Variants in LAPTM4B observed in about 807,000 individuals in gnomAD.
LAPTM4B encodes lysosomal protein transmembrane 4 beta.
LAPTM4B carries 26 observed loss-of-function variants against 28.5 expected under a neutral mutation model. The observed-to-expected ratio is 0.91, with a 90% CI of 0.67 to 1.27. LAPTM4B has a LOEUF of 1.27. LAPTM4B is among the 50% of genes most tolerant of loss of function. The pLI, the probability that LAPTM4B is intolerant of heterozygous loss-of-function variation, is 0.00. For synonymous variants in LAPTM4B, 109 were observed against 106.4 expected, an observed-to-expected ratio of 1.02 and a Z score of -0.15; for missense variants, 288 against 285.8, an observed-to-expected ratio of 1.01 and a Z score of -0.06.
At chr8:97,825,301 C>A (rs1817075525) in intron 6 of LAPTM4B, 148 bp downstream of exon 6, 2 of 498,704 alleles carry the variant, frequency 4.0e-6, no homozygotes. Context: ...TCTTAGTTAT[C>A]AAAATACTCA....
chr8:97,811,031 T>C (rs1416393375), intron 2 of LAPTM4B, among the ~76,000 whole-genome samples: 1 of 152,202 alleles, frequency 6.6e-6, no homozygotes, highest in Non-Finnish European at 1.5e-5. Context: ...TTGCAAGTTA[T>C]AGGGAATTGC....
chr8:97,810,082 A>C (rs1005370628), intron 2 of LAPTM4B, among the ~76,000 whole-genome samples: 2 of 152,094 alleles, frequency 1.3e-5, no homozygotes, highest in Non-Finnish European at 2.9e-5. Context: ...GGCATGAGCC[A>C]CCATGCCTGG....
At chr8:97,786,526 A>G (rs537320757) in intron 1 of LAPTM4B, among the ~76,000 whole-genome samples, 1 of 152,016 alleles carries the variant, frequency 6.6e-6, no homozygotes, top group Admixed American at 6.6e-5. Context: ...ACATAGTGAA[A>G]CTCCATCTCT....
chr8:97,818,709 G>C (rs1375900675), intron 4 of LAPTM4B, among the ~76,000 whole-genome samples: 3 of 152,094 alleles, frequency 2.0e-5, no homozygotes, highest in Non-Finnish European at 4.4e-5. Context: ...GAATGGTTCA[G>C]AACTTTTGAG....
chr8:97,815,996 T>A, intron 3 of LAPTM4B, 62 bp from the exon 4 acceptor site: 1 of 1,350,480 alleles, frequency 7.4e-7, no homozygotes, highest in South Asian at 1.5e-5. Flanking sequence ...TACTTTGAAT[T>A]TAAGAAAAAT....
chr8:97,817,643 T>C (rs1464292109), intron 4 of LAPTM4B, among the ~76,000 whole-genome samples: 1 of 151,796 alleles, frequency 6.6e-6, no homozygotes, highest in Admixed American at 6.6e-5. Flanking sequence ...AGAGATGGGG[T>C]TTCACCATCT....
chr8:97,824,772 A>G (rs62524127), intron 5 of LAPTM4B, among the ~76,000 whole-genome samples: 70,688 of 151,328 alleles, frequency 0.47, 16,822 homozygotes, highest in East Asian at 0.58. Flanking sequence ...TTATTCTTAG[A>G]AATTTCTCAT....
intron 5 of LAPTM4B, among the ~76,000 whole-genome samples, chr8:97,824,817 C>G (rs531565166): frequency 2.6e-5 from 4 of 152,182 alleles, no homozygotes; most frequent in Non-Finnish European, 5.9e-5. Flanking sequence ...CAACTTCCCC[C>G]AGTACCACCC....
intron 5 of LAPTM4B, among the ~76,000 whole-genome samples, chr8:97,819,757 T>C (rs1212794939): frequency 8.3e-6 from 1 of 120,436 alleles, no homozygotes; most frequent in Non-Finnish European, 1.6e-5. Context: ...TTTTTTGAGA[T>C]GGAGTCTCGC....
At chr8:97,829,340 G>A (rs779746061) in intron 6 of LAPTM4B, among the ~76,000 whole-genome samples, 3 of 152,142 alleles carry the variant, frequency 2.0e-5, no homozygotes, top group Non-Finnish European at 2.9e-5. Flanking sequence ...GCAAGTGAGC[G>A]GTAAGCGTCT....
chr8:97,815,543 T>C (rs1816898101), intron 3 of LAPTM4B, 142 bp downstream of exon 3: 3 of 679,104 alleles, frequency 4.4e-6, no homozygotes, highest in Non-Finnish European at 7.5e-6. Flanking sequence ...TATGTGGTAC[T>C]AGGAAAACCA....
chr8:97,851,702 T>C lies in LAPTM4B; in HGVS notation c.*228T>C, dbSNP rs1136595. 0.58 allele frequency: 324,279 copies of C among 560,460 alleles called. 94,961 individuals are homozygous for C. The highest frequency in any genetic ancestry group is 0.69 in the African/African-American group (36,418 of 53,002). The allele number at this position is 560,460 out of a possible 1,614,324, so 34.7% of individuals were successfully genotyped here. A position where few individuals can be genotyped will look rare whatever the true frequency, so the allele number is the denominator to read the frequency against. ...TCTTCCTGTACGATTGGGGATATAA[T>C]GGGCTTCACTAACCTTCCCTAGGCA... On this transcript the variant is annotated 3_prime_UTR_variant, in exon 7 of 7. Transcript: ENST00000521545.
Position 97,824,327 on chromosome 8 carries a change from A to G in LAPTM4B, c.508-731A>G, listed in dbSNP as rs1704315836. Among the ~76,000 whole-genome samples the G allele has an allele frequency of 2.0e-5, 3 of 152,156 alleles. No homozygotes were observed. In the South Asian group the frequency reaches 6.2e-4, roughly 31 times the overall value. ...AGCAACGTATTTCCTGGATTTTAGC[A>G]ATCTAGTTTCTCTATGTGTTTAAAC... is the stretch of plus-strand genomic sequence containing the variant. On this transcript the variant is annotated intron_variant, in intron 5 of 6. Coordinates refer to ENST00000521545, the MANE Select transcript of LAPTM4B (RefSeq NM_018407.6).
chr8:97,820,300 CTTTCTTT>C (rs1816984445), intron 5 of LAPTM4B, among the ~76,000 whole-genome samples: 1 of 129,750 alleles, frequency 7.7e-6, no homozygotes, highest in African/African-American at 2.8e-5. Flanking sequence ...ATTTTTCTTT[CTTTCTTT>C]TTTTTTTTTT....
chr8:97,789,915 C>T lies in LAPTM4B; in HGVS notation c.99+13807C>T, dbSNP rs115207342. On this transcript the variant is annotated intron_variant, in intron 1 of 6. Transcript: ENST00000521545. ...TAACCATCCTTCTACTCTCTAGCTA[C>T]GTGAGTTCAATGGTTTAAAGTTTTA... Among the ~76,000 whole-genome samples the T allele has an allele frequency of 3.9e-3, 593 of 152,254 alleles. 4 individuals carry two copies. Among genetic ancestry groups the T allele is most frequent in the African/African-American group, 0.013 (548 of 41,554 alleles).
At chr8:97,845,441 C>A (rs1267319057) in intron 6 of LAPTM4B, among the ~76,000 whole-genome samples, 1 of 151,302 alleles carries the variant, frequency 6.6e-6, no homozygotes, top group African/African-American at 2.4e-5. Flanking sequence ...ATGCTATTTT[C>A]CAAAGGTTTG....
At chr8:97,807,513 G>A (rs980463929) in intron 2 of LAPTM4B, among the ~76,000 whole-genome samples, 2 of 152,194 alleles carry the variant, frequency 1.3e-5, no homozygotes, top group African/African-American at 4.8e-5. Flanking sequence ...ACCTTTTGCT[G>A]TTTCAGCTAC....
At chr8:97,838,870 C>T (rs2449520) in intron 6 of LAPTM4B, among the ~76,000 whole-genome samples, 28,579 of 151,970 alleles carry the variant, frequency 0.19, 2,843 homozygotes, top group African/African-American at 0.24. Context: ...AGAAAAGGGG[C>T]GGAAGAAAAA....
intron 6 of LAPTM4B, among the ~76,000 whole-genome samples, chr8:97,844,019 A>G (rs1373509144): frequency 6.7e-6 from 1 of 149,674 alleles, no homozygotes; most frequent in Admixed American, 6.7e-5. Flanking sequence ...TTATAACCCA[A>G]TAAATTTCCA....
Sources: allele counts gnomAD v4.1 joint callset (sites outside exome capture counted in the v4.1 genomes callset), GRCh38; gene constraint gnomAD v4.1.1; transcripts MANE v1.5; gene names NCBI Gene and HGNC (gene_info 2026-07-23, HGNC 2026-07-21).